ADGRF3: variants seen among roughly 807,000 people sequenced by gnomAD.
The protein encoded by ADGRF3 is adhesion G protein-coupled receptor F3.
In ADGRF3, 85 loss-of-function variants were observed where a neutral mutation model predicts 93.2. The ratio of observed to expected loss-of-function variants is 0.91; its 90% confidence interval spans 0.77 to 1.09. ADGRF3 has a LOEUF of 1.09. Ranked by LOEUF, ADGRF3 falls within the 50% of genes least tolerant of loss-of-function variation. The pLI, the probability that ADGRF3 is intolerant of heterozygous loss-of-function variation, is 0.00. For missense variants in ADGRF3, 1,125 were observed against 1,246.2 expected (o/e 0.90, Z 1.46); for synonymous variants, 534 against 532.5 (o/e 1.00, Z -0.04).
chr2:26,318,802 G>C, intron 1 of ADGRF3: 1 of 1,214,326 alleles, frequency 8.2e-7, no homozygotes, highest in Non-Finnish European at 1.2e-6. Context: ...TGAGTTCTCA[G>C]AGATCTCATA....
chr2:26,312,934 A>G lies in ADGRF3; in HGVS notation c.1449+9T>C. ...CCAGCTGGCCCCCACTGTGGCTCAG[A>G]GATCTCACCTTCAGGGCTCTGCGGT... On this transcript the variant is annotated intron_variant, in intron 9 of 13. Coordinates refer to ENST00000651242, the MANE Select transcript of ADGRF3 (RefSeq NM_001321971.2). The G allele has an allele frequency of 6.2e-7, 1 of 1,601,302 alleles. No homozygotes were observed. Among genetic ancestry groups the G allele is most frequent in the Non-Finnish European group, 8.5e-7 (1 of 1,173,270 alleles).
At chr2:26,341,274 A>C (rs1438903308) in intron 1 of ADGRF3, among the ~76,000 whole-genome samples, 1 of 152,124 alleles carries the variant, frequency 6.6e-6, no homozygotes, top group Non-Finnish European at 1.5e-5. Context: ...AGCTACTCAG[A>C]GTCTGAGGCA....
At position 26,346,168 on chromosome 2, in the gene ADGRF3, G is replaced by A. The variant is rs556073630; in HGVS notation, c.67C>T (p.His23Tyr). The change falls in exon 1 of 14, where the codon CAC becomes TAC. Residue 23 changes from histidine (H) to tyrosine (Y), a missense_variant. Coordinates refer to ENST00000651242, the MANE Select transcript of ADGRF3 (RefSeq NM_001321971.2). ...TPGYKAVTHKHHTGWARMAKT... is the reference protein window; with the variant it reads ...TPGYKAVTHKYHTGWARMAKT... ...GCCATCCTTGCCCAGCCGGTGTGGT[G>A]CTTGTGTGTCACAGCCTTGTAGCCG... The A allele has an allele frequency of 1.2e-6, 2 of 1,611,534 alleles. No homozygotes were observed. The highest frequency in any genetic ancestry group is 2.2e-5 in the East Asian group (1 of 44,832).
intron 1 of ADGRF3, among the ~76,000 whole-genome samples, chr2:26,337,617 T>C (rs2147922771): frequency 6.6e-6 from 1 of 152,354 alleles, no homozygotes; most frequent in Non-Finnish European, 1.5e-5. Flanking sequence ...TTTAAAAATG[T>C]ATTTTCTTGT....
chr2:26,335,273 A>G (rs1007692809), intron 1 of ADGRF3, among the ~76,000 whole-genome samples: 4 of 152,166 alleles, frequency 2.6e-5, no homozygotes, highest in African/African-American at 7.2e-5. Context: ...CACATTTCCT[A>G]TAAATGGAAC....
At chr2:26,320,477 CAA>C (rs1675087604) in intron 1 of ADGRF3, among the ~76,000 whole-genome samples, 1 of 152,094 alleles carries the variant, frequency 6.6e-6, no homozygotes, top group Non-Finnish European at 1.5e-5. Flanking sequence ...GCCTGGGCAA[CAA>C]GAGTGAAACT....
chr2:26,331,195 C>T (rs1897115), intron 1 of ADGRF3, among the ~76,000 whole-genome samples: 106,477 of 152,118 alleles, frequency 0.7, 39,969 homozygotes, highest in Non-Finnish European at 0.84. Flanking sequence ...CAATCTTTAA[C>T]ATTTTTGAGG....
chr2:26,309,681 T>A, intron 12 of ADGRF3, 100 bp from the exon 13 acceptor site: 1 of 1,467,440 alleles, frequency 6.8e-7, no homozygotes, highest in Admixed American at 2.0e-5. Context: ...CATGCACTCC[T>A]GCCTGTGCTG....
At chr2:26,333,458 C>A (rs1574728414) in intron 1 of ADGRF3, among the ~76,000 whole-genome samples, 1 of 938 alleles carries the variant, frequency 1.1e-3, no homozygotes, top group Non-Finnish European at 8.9e-3. Flanking sequence ...CCTCTAATCA[C>A]GTGGTTGGTT....
At chr2:26,319,827 T>G (rs989951408) in intron 1 of ADGRF3, among the ~76,000 whole-genome samples, 1 of 152,068 alleles carries the variant, frequency 6.6e-6, no homozygotes, top group Non-Finnish European at 1.5e-5. Context: ...ACTCTTGGGC[T>G]CAAGCTATCC....
intron 9 of ADGRF3, 91 bp from the exon 10 acceptor site, chr2:26,312,165 C>A: frequency 1.6e-6 from 2 of 1,278,202 alleles, no homozygotes; most frequent in Non-Finnish European, 2.1e-6. Flanking sequence ...CACACCTTCC[C>A]TTCCCAGTCC....
intron 1 of ADGRF3, among the ~76,000 whole-genome samples, chr2:26,328,658 T>C (rs1173915032): frequency 1.3e-5 from 2 of 152,186 alleles, no homozygotes; most frequent in African/African-American, 2.4e-5. Context: ...TTCACCCTGT[T>C]AGCCAAGATG....
Position 26,308,455 on chromosome 2 carries a change from T to C in ADGRF3, c.*631A>G, listed in dbSNP as rs1405609730. The C allele has an allele frequency of 2.6e-5, 4 of 152,152 alleles. No homozygotes were observed. Among genetic ancestry groups the C allele is most frequent in the Non-Finnish European group, 5.9e-5 (4 of 68,032 alleles). 9.4% of individuals were successfully genotyped at this position (152,152 alleles called of 1,614,324 possible). Reference sequence around the variant, plus strand: ...ATATAAATTTATATTAAACTTTAAATTTTTATAACCTATTCTTACAACGTG... The same window carrying C: ...ATATAAATTTATATTAAACTTTAAACTTTTATAACCTATTCTTACAACGTG... On this transcript the variant is annotated 3_prime_UTR_variant, in exon 14 of 14. Transcript: ENST00000651242.
chr2:26,314,756 G>A (rs888265859), intron 5 of ADGRF3, 133 bp from the exon 6 acceptor site: 1 of 766,934 alleles, frequency 1.3e-6, no homozygotes, highest in African/African-American at 1.7e-5. Context: ...CAGCAAGCAA[G>A]GTCCCAGGAT....
At chr2:26,321,969 C>CA (rs112854920) in intron 1 of ADGRF3, among the ~76,000 whole-genome samples, 3,753 of 55,212 alleles carry the variant, frequency 0.068, 247 homozygotes, top group African/African-American at 0.21. Context: ...TGAGACTCCT[C>CA]AAAAAAAAAA....
chr2:26,325,127 G>C (rs1574720585), intron 1 of ADGRF3, among the ~76,000 whole-genome samples: 2 of 152,198 alleles, frequency 1.3e-5, no homozygotes, highest in African/African-American at 4.8e-5. Flanking sequence ...GCCAGTGGCA[G>C]TGGCCACATC....
Position 26,311,486 on chromosome 2 carries a change from G to A in ADGRF3, c.2038C>T (p.Leu680Phe), listed in dbSNP as rs753122177. The A allele has an allele frequency of 1.2e-6, 2 of 1,614,060 alleles. No homozygotes were observed. The highest frequency in any genetic ancestry group is 1.7e-6 in the Non-Finnish European group (2 of 1,179,904). The change falls in exon 10 of 14, where the codon CTC (leucine) becomes TTC (phenylalanine). Residue 680 changes from leucine to phenylalanine, a missense_variant. Transcript: ENST00000651242. ...GAGAAGGCAGTGAGGTGCTGGCAGA[G>A]GCACTGAGCAGTGGGGCTGGCACTG... ...VASASPTAQC[L>F]CQHLTAFSVL...
intron 3 of ADGRF3, 120 bp from the exon 4 acceptor site, chr2:26,316,568 C>T (rs1674695482): frequency 3.9e-6 from 4 of 1,013,364 alleles, no homozygotes; most frequent in Admixed American, 2.7e-5. Flanking sequence ...AATCCCCAAG[C>T]TACAGGTGCC....
At chr2:26,314,692 T>C (rs2147877130) in intron 5 of ADGRF3, 69 bp from the exon 6 acceptor site, 1 of 1,404,860 alleles carries the variant, frequency 7.1e-7, no homozygotes, top group Admixed American at 2.0e-5. Context: ...TCTCTGCTGC[T>C]TTCCAAGCCA....
Sources: gnomAD v4.1 joint callset for allele counts (sites outside exome capture counted in the v4.1 genomes callset) on GRCh38, gnomAD v4.1.1 for gene constraint, MANE v1.5 for transcripts, NCBI Gene and HGNC (gene_info 2026-07-23, HGNC 2026-07-21) for gene names.